NOTUM: variants seen among roughly 807,000 people sequenced by gnomAD.
NOTUM encodes palmitoleoyl-protein carboxylesterase NOTUM.
Under a neutral mutation model 65.5 loss-of-function variants are expected in NOTUM, and 36 were observed. That is an observed-to-expected ratio of 0.55 (90% CI 0.42 to 0.73). NOTUM has a LOEUF of 0.73. Among genes scored for constraint, NOTUM ranks in the 30% least tolerant of loss-of-function variants. The probability of loss-of-function intolerance (pLI) is 0.00; values close to 1 mark genes in which losing one functional copy is unlikely to be tolerated. For missense variants in NOTUM, 659 were observed against 694.2 expected (o/e 0.95, Z 0.57); for synonymous variants, 356 against 297.9 (o/e 1.20, Z -2.01).
chr17:81,957,923 G>T lies in NOTUM; in HGVS notation c.593-15C>A, dbSNP rs748578568. On this transcript the variant is annotated splice_polypyrimidine_tract_variant and intron_variant, in intron 5 of 10. Transcript: ENST00000409678. ...GGCGTACTCGTCTGCAAGAGGGAGG[G>T]GGTGGCCTCAGGTAGGGGCCTGGAC... 1 of 1,573,970 alleles carries T rather than the reference G, an allele frequency of 6.4e-7. No homozygotes were observed. Among genetic ancestry groups the T allele is most frequent in the Non-Finnish European group, 8.6e-7 (1 of 1,156,568 alleles).
rs2041397212 is a variant in NOTUM at position 81,952,841 on chromosome 17, G to C, written c.*120C>G. 6 of 887,236 alleles carry C rather than the reference G, an allele frequency of 6.8e-6. No homozygotes were observed. In the Admixed American group the frequency reaches 8.2e-5, roughly 12 times the overall value. The allele number at this position is 887,236 out of a possible 1,614,324, so 55.0% of individuals were successfully genotyped here. A position where few individuals can be genotyped will look rare whatever the true frequency, so the allele number is the denominator to read the frequency against. On this transcript the variant is annotated 3_prime_UTR_variant, in exon 11 of 11. Transcript: ENST00000409678. Reference sequence around the variant, plus strand: ...GAGGGCAGTGGGCAGACCCAGACAGGGGGGACGGCTGGGGCCCTGTCCCGA... The same window carrying C: ...GAGGGCAGTGGGCAGACCCAGACAGCGGGGACGGCTGGGGCCCTGTCCCGA...
intron 6 of NOTUM, 96 bp from the exon 7 acceptor site, chr17:81,957,170 G>A (rs928962668): frequency 2.0e-6 from 2 of 1,012,212 alleles, no homozygotes; most frequent in East Asian, 2.5e-5. Context: ...GAGGGGGGCA[G>A]GAGTCCTGAT....
Position 81,961,056 on chromosome 17 carries a change from G to T in NOTUM, c.-147C>A. 1 of 240,200 alleles carries T rather than the reference G, an allele frequency of 4.2e-6. No homozygotes were observed. The highest frequency in any genetic ancestry group is 7.0e-6 in the Non-Finnish European group (1 of 142,894). The allele number at this position is 240,200 out of a possible 1,614,324, so 14.9% of individuals were successfully genotyped here. A position where few individuals can be genotyped will look rare whatever the true frequency, so the allele number is the denominator to read the frequency against. The stretch of plus-strand genomic sequence containing the variant: ...CCCGCTCCCGCCCGCCGGGCCTGGC[G>T]GAGAAGGCGCGCGCGGCTCGGCGTC... On this transcript the variant is annotated 5_prime_UTR_variant, in exon 1 of 11. Coordinates refer to ENST00000409678, the MANE Select transcript of NOTUM (RefSeq NM_178493.6).
At position 81,952,808 on chromosome 17, in the gene NOTUM, C is replaced by T. The variant is rs982071475; in HGVS notation, c.*153G>A. The T allele has an allele frequency of 9.0e-6, 6 of 669,476 alleles. No homozygotes were observed. Among genetic ancestry groups the T allele is most frequent in the East Asian group, 2.6e-5 (1 of 38,802 alleles). 41.5% of individuals were successfully genotyped at this position (669,476 alleles called of 1,614,324 possible). On this transcript the variant is annotated 3_prime_UTR_variant, in exon 11 of 11. Coordinates refer to ENST00000409678, the MANE Select transcript of NOTUM (RefSeq NM_178493.6). ...GCTGTGGGAGAGGGGCAGGGAAAGCCGGGGCAGGAGGGCAGTGGGCAGACC... is the reference window on the plus strand; with the variant it reads ...GCTGTGGGAGAGGGGCAGGGAAAGCTGGGGCAGGAGGGCAGTGGGCAGACC...
intron 6 of NOTUM, 94 bp downstream of exon 6, chr17:81,957,712 C>A: frequency 1.2e-6 from 1 of 857,632 alleles, no homozygotes; most frequent in Admixed American, 2.1e-5. Context: ...TCCACTCCAT[C>A]CTCGCCTCTC....
intron 1 of NOTUM, among the ~76,000 whole-genome samples, chr17:81,959,994 C>T (rs1230816905): frequency 6.6e-6 from 1 of 151,862 alleles, no homozygotes; most frequent in African/African-American, 2.4e-5. Flanking sequence ...CGCGCGGCGG[C>T]GCTTGAAGCG....
At position 81,953,189 on chromosome 17, in the gene NOTUM, G is replaced by T. The variant is rs769394120; in HGVS notation, c.1263C>A (p.Ser421Arg). 6.2e-7 allele frequency: 1 copy of T among 1,613,036 alleles called. No individual in the cohort carries two copies. The highest frequency in any genetic ancestry group is 1.1e-5 in the South Asian group (1 of 91,012). The change falls in exon 11 of 11, where the codon AGC becomes AGA. Residue 421 changes from serine to arginine, a missense_variant. Coordinates refer to ENST00000409678, the MANE Select transcript of NOTUM (RefSeq NM_178493.6). The part of the protein sequence containing the change: ...LHCWDRSLHD[S>R]HKASKTPLKG... ...TGAGGGGGGTCTTGCTGGCCTTGTG[G>T]CTGTCATGGAGGCTCCTGTCCCAGC...
intron 3 of NOTUM, 130 bp from the exon 4 acceptor site, chr17:81,959,125 G>A: frequency 1.7e-5 from 13 of 781,846 alleles, no homozygotes; most frequent in Non-Finnish European, 2.6e-5. Flanking sequence ...TTGCTAGCCC[G>A]AACCAAGGTT....
chr17:81,956,188 G>A (rs756328687), intron 8 of NOTUM, among the ~76,000 whole-genome samples: 4 of 152,176 alleles, frequency 2.6e-5, no homozygotes, highest in Non-Finnish European at 4.4e-5. Flanking sequence ...CTGGTTCTCA[G>A]CGACTCCACT....
At chr17:81,955,277 G>A (rs952156898) in intron 9 of NOTUM, 120 bp downstream of exon 9, 10 of 903,138 alleles carry the variant, frequency 1.1e-5, no homozygotes, top group South Asian at 8.8e-5. Context: ...CACTGCGCCC[G>A]GCCTACAAGA....
Position 81,953,257 on chromosome 17 carries a change from C to G in NOTUM, c.1195G>C (p.Asp399His). 6.2e-7 allele frequency: 1 copy of G among 1,605,606 alleles called. No individual in the cohort carries two copies. Residue 399 changes from aspartate (D) to histidine (H), a missense_variant, in exon 11 of 11, where the codon GAT (aspartate) becomes CAT (histidine). Coordinates refer to ENST00000409678, the MANE Select transcript of NOTUM (RefSeq NM_178493.6). ...AGCGACGTCCCCTTCACCTGGACAT[C>G]CGTCCAGTGGCTGCAGAGGAAAACC... is the stretch of plus-strand genomic sequence containing the variant. ...HEIIIRSHWTDVQVKGTSLPR... is the reference protein window; with the variant it reads ...HEIIIRSHWTHVQVKGTSLPR...
Position 81,959,007 on chromosome 17 carries a change from G to C in NOTUM, c.473-12C>G, listed in dbSNP as rs1454125812. On this transcript the variant is annotated splice_polypyrimidine_tract_variant and intron_variant, in intron 3 of 10. Transcript: ENST00000409678. ...CAGGATCCCTGTGCCTGGGGACACA[G>C]AGGCGGTGGGTCTTTCTAGCGGGAG... is the stretch of plus-strand genomic sequence containing the variant. 9.9e-6 allele frequency: 16 copies of C among 1,611,722 alleles called. No individual in the cohort carries two copies. Among genetic ancestry groups the C allele is most frequent in the Admixed American group, 1.7e-5 (1 of 59,994 alleles).
At position 81,956,768 on chromosome 17, in the gene NOTUM, G is replaced by C; in HGVS notation, c.888-18C>G. On this transcript the variant is annotated intron_variant, in intron 7 of 10. Transcript: ENST00000409678. ...TCCAGTACCTGGAGCCACAGCCACAGGTTAGGCTGCCGTGGGTCTCGTCCC... is the reference window on the plus strand; with the variant it reads ...TCCAGTACCTGGAGCCACAGCCACACGTTAGGCTGCCGTGGGTCTCGTCCC... The C allele has an allele frequency of 6.2e-7, 1 of 1,609,346 alleles. No homozygotes were observed. The highest frequency in any genetic ancestry group is 8.5e-7 in the Non-Finnish European group (1 of 1,177,252).
rs995505617 is a variant in NOTUM at position 81,952,657 on chromosome 17, C to T, written c.*304G>A. 44 of 419,704 alleles carry T rather than the reference C, an allele frequency of 1.0e-4. No homozygotes were observed. Among genetic ancestry groups the T allele is most frequent in the Non-Finnish European group, 1.8e-4 (42 of 234,240 alleles). The allele number at this position is 419,704 out of a possible 1,614,324, so 26.0% of individuals were successfully genotyped here. A position where few individuals can be genotyped will look rare whatever the true frequency, so the allele number is the denominator to read the frequency against. On this transcript the variant is annotated 3_prime_UTR_variant, in exon 11 of 11. Coordinates refer to ENST00000409678, the MANE Select transcript of NOTUM (RefSeq NM_178493.6). ...TATAAAAGGGCTTGATGGGTGGGGCCGGTGGGTGCTGTCTGAGCTGGTGGA... is the reference window on the plus strand; with the variant it reads ...TATAAAAGGGCTTGATGGGTGGGGCTGGTGGGTGCTGTCTGAGCTGGTGGA...
intron 8 of NOTUM, among the ~76,000 whole-genome samples, chr17:81,956,092 C>G (rs894359314): frequency 6.6e-6 from 1 of 152,186 alleles, no homozygotes; most frequent in Admixed American, 6.5e-5. Flanking sequence ...AGCTTCATAA[C>G]TAAATCAATA....
chr17:81,953,673 T>A (rs1169871185), intron 10 of NOTUM, among the ~76,000 whole-genome samples: 1 of 146,812 alleles, frequency 6.8e-6, no homozygotes, highest in Non-Finnish European at 1.5e-5. Context: ...GTGTGATCAC[T>A]GCTCACTGCA....
intron 6 of NOTUM, 121 bp from the exon 7 acceptor site, chr17:81,957,195 G>A (rs954853719): frequency 1.6e-5 from 12 of 757,666 alleles, no homozygotes; most frequent in African/African-American, 8.8e-5. Context: ...TCTGAACTGC[G>A]GATGCATTCT....
Position 81,959,528 on chromosome 17 carries a change from TGG to T in NOTUM, c.413_414del (p.Ser138Ter). 1 of 1,548,878 alleles carries T rather than the reference TGG, an allele frequency of 6.5e-7. No individual in the cohort carries two copies. Among genetic ancestry groups the T allele is most frequent in the East Asian group, 2.4e-5 (1 of 40,844 alleles). ...ATGAGGCGCCGCATGGTGTCGTATC[TGG>T]AGTCGCAGTTCTCGCGGTTGAAGCA... ...WYCFNRENCD[S>X]RYDTMRRLMS... On this transcript the variant is annotated frameshift_variant, in exon 3 of 11. Transcript: ENST00000409678. LOFTEE classifies it high-confidence loss of function.
At position 81,956,750 on chromosome 17, in the gene NOTUM, C is replaced by G; in HGVS notation, c.888G>C (p.Arg296Ser). 6.2e-7 allele frequency: 1 copy of G among 1,611,728 alleles called. No homozygotes were observed. Among genetic ancestry groups the G allele is most frequent in the South Asian group, 1.1e-5 (1 of 91,032 alleles). ...GCTCCGGGACCACCCCGTTCCAGTACCTGGAGCCACAGCCACAGGTTAGGC... is the reference window on the plus strand; with the variant it reads ...GCTCCGGGACCACCCCGTTCCAGTAGCTGGAGCCACAGCCACAGGTTAGGC... ...APTEAIRRGI[R>S]YWNGVVPERC... is the part of the protein sequence containing the mutation. The change falls in exon 8 of 11, where the codon AGG becomes AGC. Residue 296 changes from arginine (R) to serine (S), a missense_variant and splice_region_variant. By Grantham distance (110) the Arg-to-Ser change is moderately radical. Coordinates refer to ENST00000409678, the MANE Select transcript of NOTUM (RefSeq NM_178493.6).
Sources: allele counts gnomAD v4.1 joint callset (sites outside exome capture counted in the v4.1 genomes callset), GRCh38; gene constraint gnomAD v4.1.1; transcripts MANE v1.5; gene names NCBI Gene and HGNC (gene_info 2026-07-23, HGNC 2026-07-21).